The following DCLK1 variants were observed in gnomAD, a reference collection of about 807,000 sequenced individuals.
DCLK1 encodes doublecortin like kinase 1.
DCLK1 carries 16 observed loss-of-function variants against 86.2 expected under a neutral mutation model. That is an observed-to-expected ratio of 0.19 (90% confidence interval 0.13 to 0.28). The LOEUF is 0.28. Among genes scored for constraint, DCLK1 ranks in the 10% least tolerant of loss-of-function variants. The probability of loss-of-function intolerance (pLI) is 1.00; values close to 1 mark genes in which losing one functional copy is unlikely to be tolerated. For missense variants in DCLK1, 590 were observed against 940.2 expected (o/e 0.63, Z 4.87); for synonymous variants, 369 against 370.5 (o/e 1.00, Z 0.05).
chr13:35,841,189 A>T (rs1869767417), intron 6 of DCLK1, among the ~76,000 whole-genome samples: 1 of 152,196 alleles, frequency 6.6e-6, no homozygotes, highest in African/African-American at 2.4e-5. Flanking sequence ...TAAATTTAGA[A>T]TACAAAGACA....
At chr13:35,817,169 T>C (rs1028288164) in intron 11 of DCLK1, among the ~76,000 whole-genome samples, 1 of 152,118 alleles carries the variant, frequency 6.6e-6, no homozygotes, top group Non-Finnish European at 1.5e-5. Context: ...CCCACCAAGG[T>C]GACACAAGGT....
At chr13:35,794,776 C>A (rs2086774191) in intron 15 of DCLK1, among the ~76,000 whole-genome samples, 1 of 152,204 alleles carries the variant, frequency 6.6e-6, no homozygotes, top group African/African-American at 2.4e-5. Context: ...TTACTGGAAA[C>A]CCCCAGTGCT....
intron 3 of DCLK1, among the ~76,000 whole-genome samples, chr13:36,070,223 C>T (rs1256059179): frequency 6.6e-6 from 1 of 152,156 alleles, no homozygotes; most frequent in Non-Finnish European, 1.5e-5. Flanking sequence ...ACAGCATCTT[C>T]CAAAGAAACC....
intron 6 of DCLK1, among the ~76,000 whole-genome samples, chr13:35,845,098 A>T (rs1870081103): frequency 6.6e-6 from 1 of 152,152 alleles, no homozygotes; most frequent in African/African-American, 2.4e-5. Context: ...AAATACAAAA[A>T]TTAGCTGCAT....
chr13:35,825,797 A>G lies in DCLK1; in HGVS notation c.1407+1838T>C, dbSNP rs551580332. ...AATCTTCATATTTTTTCTTTATTCA[A>G]ATGAAATCGACTTTTCTTTTTTATT... On this transcript the variant is annotated intron_variant, in intron 10 of 16. Coordinates refer to ENST00000360631, the MANE Select transcript of DCLK1 (RefSeq NM_001330071.2). 2.7e-5 allele frequency among the ~76,000 whole-genome samples: 4 copies of G among 146,982 alleles called. 1 individual carries two copies. In the South Asian group the frequency reaches 9.1e-4, roughly 33 times the overall value.
chr13:36,000,540 A>G (rs1020217968), intron 3 of DCLK1, among the ~76,000 whole-genome samples: 2 of 152,098 alleles, frequency 1.3e-5, no homozygotes, highest in East Asian at 1.9e-4. Context: ...ATTATTAAAT[A>G]TTATATGAAT....
At chr13:36,041,051 T>C (rs1179140627) in intron 3 of DCLK1, among the ~76,000 whole-genome samples, 1 of 152,146 alleles carries the variant, frequency 6.6e-6, no homozygotes, top group African/African-American at 2.4e-5. Context: ...AGGACCTCTG[T>C]TCCCTTTCAT....
intron 3 of DCLK1, among the ~76,000 whole-genome samples, chr13:35,948,230 T>C (rs1173705630): frequency 1.3e-5 from 2 of 152,262 alleles, no homozygotes; most frequent in African/African-American, 4.8e-5. Flanking sequence ...TTGGATAGAC[T>C]ATGTAATATT....
chr13:35,883,071 A>G (rs1054450812), intron 4 of DCLK1, among the ~76,000 whole-genome samples: 3 of 152,188 alleles, frequency 2.0e-5, no homozygotes, highest in African/African-American at 7.2e-5. Flanking sequence ...CACTGAAGGA[A>G]ACAGAGGAAA....
intron 5 of DCLK1, chr13:35,855,386 A>T: frequency 1.2e-6 from 1 of 861,188 alleles, no homozygotes; most frequent in Non-Finnish European, 1.8e-6. Flanking sequence ...CCTCTATTTT[A>T]CCTGTAAAAA....
intron 6 of DCLK1, among the ~76,000 whole-genome samples, chr13:35,854,053 A>C (rs1009849672): frequency 2.0e-5 from 3 of 152,188 alleles, no homozygotes; most frequent in Non-Finnish European, 2.9e-5. Flanking sequence ...AGCACGTGTC[A>C]TAGGTTCCCA....
chr13:35,817,152 A>G (rs1344173204), intron 11 of DCLK1, among the ~76,000 whole-genome samples: 1 of 152,206 alleles, frequency 6.6e-6, no homozygotes, highest in Non-Finnish European at 1.5e-5. Context: ...AATTAGACAA[A>G]CACAGACCCA....
chr13:35,778,942 T>A (rs1466863522), intron 16 of DCLK1, among the ~76,000 whole-genome samples: 1 of 152,184 alleles, frequency 6.6e-6, no homozygotes, highest in Non-Finnish European at 1.5e-5. Flanking sequence ...CATTCTCACA[T>A]CTACCTCTTG....
intron 3 of DCLK1, among the ~76,000 whole-genome samples, chr13:36,011,780 C>CT (rs1298470385): frequency 4.0e-5 from 6 of 150,656 alleles, no homozygotes; most frequent in Non-Finnish European, 7.4e-5. Flanking sequence ...CCTGGGTATC[C>CT]TTTTTGACTT....
At chr13:35,824,627 A>G (rs971505108) in intron 10 of DCLK1, among the ~76,000 whole-genome samples, 9 of 151,966 alleles carry the variant, frequency 5.9e-5, no homozygotes, top group African/African-American at 2.2e-4. Context: ...TGGTCTCACA[A>G]TCCGTTCTGC....
At chr13:36,070,555 G>A (rs1883933901) in intron 3 of DCLK1, among the ~76,000 whole-genome samples, 1 of 152,146 alleles carries the variant, frequency 6.6e-6, no homozygotes, top group Non-Finnish European at 1.5e-5. Flanking sequence ...GTTTCTGCAA[G>A]GATTGGCTGA....
chr13:36,030,244 A>T (rs1882214825), intron 3 of DCLK1, among the ~76,000 whole-genome samples: 1 of 152,164 alleles, frequency 6.6e-6, no homozygotes, highest in Non-Finnish European at 1.5e-5. Flanking sequence ...GCTCATATTC[A>T]AACATTCAAG....
chr13:35,978,601 A>G (rs1879476082), intron 3 of DCLK1, among the ~76,000 whole-genome samples: 1 of 152,178 alleles, frequency 6.6e-6, no homozygotes, highest in Non-Finnish European at 1.5e-5. Flanking sequence ...TTAAGAGAGG[A>G]AAACTCAGAA....
chr13:35,812,071 ATCT>A (rs1356949102), intron 11 of DCLK1, among the ~76,000 whole-genome samples: 2 of 152,142 alleles, frequency 1.3e-5, no homozygotes, highest in African/African-American at 2.4e-5. Context: ...GGCAGTAAAA[ATCT>A]TCTCTCTTTC....
Sources: allele counts gnomAD v4.1 joint callset (sites outside exome capture counted in the v4.1 genomes callset), GRCh38; gene constraint gnomAD v4.1.1; transcripts MANE v1.5; gene names NCBI Gene and HGNC (gene_info 2026-07-23, HGNC 2026-07-21).